SMOX: variants seen among roughly 807,000 people sequenced by gnomAD.
SMOX encodes the protein flavin containing amine oxidase.
In SMOX, 22 loss-of-function variants were observed where a neutral mutation model predicts 51.0. The ratio of observed to expected loss-of-function variants is 0.43; its 90% CI spans 0.31 to 0.62. The LOEUF (loss-of-function observed/expected upper bound fraction) is 0.62, where lower values mean the gene tolerates loss of function less well. SMOX is among the 20% of genes least tolerant of loss of function. SMOX has a pLI of 0.10. For missense variants in SMOX, 566 were observed against 777.7 expected, an observed-to-expected ratio of 0.73 and a Z score of 3.24; for synonymous variants, 282 against 307.8, an observed-to-expected ratio of 0.92 and a Z score of 0.88.
intron 1 of SMOX, among the ~76,000 whole-genome samples, chr20:4,164,976 C>T (rs1031880091): frequency 1.3e-5 from 2 of 151,050 alleles, no homozygotes; most frequent in East Asian, 3.9e-4. Flanking sequence ...CACCTGGGCT[C>T]AGGTGATCCT....
At chr20:4,159,603 G>A (rs1765011) in intron 1 of SMOX, among the ~76,000 whole-genome samples, 111,875 of 152,138 alleles carry the variant, frequency 0.74, 41,423 homozygotes, top group East Asian at 0.84. Flanking sequence ...TGTATCTCAG[G>A]TGTATTCAGC....
At chr20:4,185,945 C>A (rs1188742029) in intron 6 of SMOX, among the ~76,000 whole-genome samples, 1 of 151,142 alleles carries the variant, frequency 6.6e-6, no homozygotes, top group East Asian at 1.9e-4. Flanking sequence ...CACACACACA[C>A]AAATAAATAA....
rs1356192685 is a variant in SMOX, at chr20:4,187,345, G to A, written c.1606G>A (p.Gly536Ser). Reference sequence around the variant, plus strand: ...CACCACCCACGGTGCTCTGCTGTCCGGCCAGCGTGAGGCTGCCCGCCTCAT... The same window carrying A: ...CACCACCCACGGTGCTCTGCTGTCCAGCCAGCGTGAGGCTGCCCGCCTCAT... The part of the protein sequence containing the change: ...YSTTHGALLS[G>S]QREAARLIEM... The change falls in exon 7 of 7, where the codon GGC (glycine) becomes AGC (serine). Residue 536 changes from glycine (G) to serine (S), a missense_variant. Physicochemically the swap from Gly to Ser is moderately conservative, Grantham distance 56. Around this residue, in one of 3 missense-constraint regions of SMOX, gnomAD observed 347 missense variants for 481.8 expected, o/e 0.72. Coordinates refer to ENST00000305958, the MANE Select transcript of SMOX (RefSeq NM_175839.3). The surrounding 1 kb of genome is among the most constrained non-coding windows in gnomAD (Gnocchi z 4.8). 1.9e-6 allele frequency: 3 copies of A among 1,614,032 alleles called. No homozygotes were observed. The highest frequency in any genetic ancestry group is 1.7e-5 in the Admixed American group (1 of 60,000).
chr20:4,155,068 G>A (rs1012954074), intron 1 of SMOX, among the ~76,000 whole-genome samples: 1 of 152,092 alleles, frequency 6.6e-6, no homozygotes, highest in Non-Finnish European at 1.5e-5. Flanking sequence ...CCCGGGGCAG[G>A]GTGACATGCA....
chr20:4,151,674 CT>C (rs1416047188), intron 1 of SMOX, among the ~76,000 whole-genome samples: 1 of 152,178 alleles, frequency 6.6e-6, no homozygotes, highest in Admixed American at 6.5e-5. Flanking sequence ...AAGGTCTTCA[CT>C]TAATTATACC....
chr20:4,186,825 C>T lies in SMOX; in HGVS notation c.1531-445C>T, dbSNP rs766609190. ...CAGCCCCTGGATGCTAACAGGGGCG[C>T]CGTAAAGGTTTGTCAAATTACCACC... On this transcript the variant is annotated intron_variant, in intron 6 of 6. Transcript: ENST00000305958. 5 of 780,588 alleles carry T rather than the reference C, an allele frequency of 6.4e-6. 1 individual carries two copies. In the East Asian group the frequency reaches 1.2e-4, roughly 19 times the overall value. The allele number at this position is 780,588 out of a possible 1,614,324, so 48.4% of individuals were successfully genotyped here. A position where few individuals can be genotyped will look rare whatever the true frequency, so the allele number is the denominator to read the frequency against.
Position 4,183,786 on chromosome 20 carries a change from G to A in SMOX, c.1530+132G>A, listed in dbSNP as rs1979534268. 9.9e-7 allele frequency: 1 copy of A among 1,014,788 alleles called. No homozygotes were observed. The highest frequency in any genetic ancestry group is 1.3e-6 in the Non-Finnish European group (1 of 745,966). 62.9% of individuals were successfully genotyped at this position (1,014,788 alleles called of 1,614,324 possible). ...GTGAGGCAGGGATGGAGTAGCTTCT[G>A]TAATGAGAGAGAACACAAGGAAAAA... On this transcript the variant is annotated intron_variant, in intron 6 of 6. Coordinates refer to ENST00000305958, the MANE Select transcript of SMOX (RefSeq NM_175839.3). This position sits in a 1 kb window ranked among gnomAD's most constrained non-coding sequence, Gnocchi z 4.3.
intron 1 of SMOX, among the ~76,000 whole-genome samples, chr20:4,155,817 C>G (rs1322264009): frequency 6.6e-6 from 1 of 151,810 alleles, no homozygotes; most frequent in Non-Finnish European, 1.5e-5. Context: ...TCACTACACC[C>G]AAAAGAAGGT....
intron 1 of SMOX, among the ~76,000 whole-genome samples, chr20:4,174,300 G>T (rs1274473916): frequency 1.3e-5 from 2 of 152,162 alleles, no homozygotes; most frequent in Non-Finnish European, 1.5e-5. Context: ...GTCCAGGGTT[G>T]TGTGTGCAAG....
At chr20:4,165,261 G>A (rs890069051) in intron 1 of SMOX, among the ~76,000 whole-genome samples, 13 of 151,876 alleles carry the variant, frequency 8.6e-5, no homozygotes, top group South Asian at 2.1e-4. Flanking sequence ...TCACCATGTT[G>A]GCCAGGCTGG....
intron 1 of SMOX, among the ~76,000 whole-genome samples, chr20:4,152,714 G>A (rs548054596): frequency 3.3e-4 from 50 of 152,304 alleles, no homozygotes; most frequent in African/African-American, 1.1e-3. Context: ...TGCATGCCCT[G>A]CATTGTTCTA....
chr20:4,175,390 G>C, intron 2 of SMOX, 127 bp downstream of exon 2: 1 of 1,143,374 alleles, frequency 8.7e-7, no homozygotes, highest in Non-Finnish European at 1.2e-6. Context: ...TCCTGCCTGG[G>C]CATTTTCCAG....
chr20:4,182,241 C>A lies in SMOX; in HGVS notation c.762C>A (p.Val254=). 6.2e-7 allele frequency: 1 copy of A among 1,613,746 alleles called. No homozygotes were observed. The highest frequency in any genetic ancestry group is 2.2e-5 in the East Asian group (1 of 44,852). The part of the protein sequence containing the change: ...ELLAEGIPAH[V]IQLGKPVRCI... ...TGGCGGAGGGCATCCCTGCCCACGTCATCCAGCTAGGGAAACCTGTCCGCT... is the reference window on the plus strand; with the variant it reads ...TGGCGGAGGGCATCCCTGCCCACGTAATCCAGCTAGGGAAACCTGTCCGCT... Residue 254 remains valine, a synonymous_variant, in exon 5 of 7, where the codon GTC becomes GTA. Transcript: ENST00000305958. This position sits in a 1 kb window ranked among gnomAD's most constrained non-coding sequence, Gnocchi z 8.4.
chr20:4,149,582 C>T lies in SMOX; in HGVS notation c.-27+605C>T, dbSNP rs1228796167. Reference sequence around the variant, plus strand: ...CCAACTAGGGGCTCACGGGTTGTCCCGGGCTTGGCGGGAGCCGGGCTCGCA... The same window carrying T: ...CCAACTAGGGGCTCACGGGTTGTCCTGGGCTTGGCGGGAGCCGGGCTCGCA... On this transcript the variant is annotated intron_variant, in intron 1 of 6. Transcript: ENST00000305958. This position sits in a 1 kb window ranked among gnomAD's most constrained non-coding sequence, Gnocchi z 6.0. 2.0e-5 allele frequency among the ~76,000 whole-genome samples: 3 copies of T among 152,164 alleles called. No homozygotes were observed. Among genetic ancestry groups the T allele is most frequent in the Non-Finnish European group, 4.4e-5 (3 of 68,022 alleles).
chr20:4,156,998 C>G (rs1184903676), intron 1 of SMOX, among the ~76,000 whole-genome samples: 1 of 152,202 alleles, frequency 6.6e-6, no homozygotes, highest in African/African-American at 2.4e-5. Flanking sequence ...TCACCTTGGC[C>G]TCCCAAAGTG....
chr20:4,178,551 G>A (rs112743104), intron 3 of SMOX, among the ~76,000 whole-genome samples: 43 of 152,220 alleles, frequency 2.8e-4, no homozygotes, highest in African/African-American at 7.7e-4. Flanking sequence ...GAACTGCACC[G>A]AACAAGCAAA....
rs1985613345 is a variant in SMOX, at chr20:4,149,419, C to G, written c.-27+442C>G. On this transcript the variant is annotated intron_variant, in intron 1 of 6. Transcript: ENST00000305958. This position sits in a 1 kb window ranked among gnomAD's most constrained non-coding sequence, Gnocchi z 6.0. ...CTCGGGCTGCCGGGAGGGTGGGCAC[C>G]GGGGAGAGGACAGAAGGCTCCCGGG... is the stretch of plus-strand genomic sequence containing the variant. Among the ~76,000 whole-genome samples the G allele has an allele frequency of 6.7e-6, 1 of 150,078 alleles. No individual in the cohort carries two copies. The highest frequency in any genetic ancestry group is 2.5e-5 in the African/African-American group (1 of 40,140).
At position 4,187,648 on chromosome 20, in the gene SMOX, C is replaced by T. The variant is rs1206673974; in HGVS notation, c.*241C>T. 7 of 499,970 alleles carry T rather than the reference C, an allele frequency of 1.4e-5. No homozygotes were observed. The highest frequency in any genetic ancestry group is 2.5e-5 in the Non-Finnish European group (7 of 284,464). 31.0% of individuals were successfully genotyped at this position (499,970 alleles called of 1,614,324 possible). A position where few individuals can be genotyped will look rare whatever the true frequency, so the allele number is the denominator to read the frequency against. On this transcript the variant is annotated 3_prime_UTR_variant, in exon 7 of 7. Transcript: ENST00000305958. This position sits in a 1 kb window ranked among gnomAD's most constrained non-coding sequence, Gnocchi z 4.8. ...TCCCGTGCCCCCACTTGCCTACCCT[C>T]TGTCCTGCCTTGTTATTGTAAGTGC...
intron 6 of SMOX, among the ~76,000 whole-genome samples, chr20:4,184,694 G>C (rs186391361): frequency 8.5e-5 from 13 of 152,282 alleles, no homozygotes; most frequent in Admixed American, 7.2e-4. Flanking sequence ...GATGGAGAGA[G>C]AAAAGGGCTG....
Sources: gnomAD v4.1 joint callset for allele counts (sites outside exome capture counted in the v4.1 genomes callset) on GRCh38, gnomAD v4.1.1 for gene constraint, gnomAD v4.1.1 regional missense constraint, Gnocchi (gnomAD v3.1) non-coding constraint, MANE v1.5 for transcripts, NCBI Gene and HGNC (gene_info 2026-07-23, HGNC 2026-07-21) for gene names.